The following ZNF385D variants were observed in gnomAD, a reference collection of about 807,000 sequenced individuals.
The protein encoded by ZNF385D is zinc finger protein 385D.
In ZNF385D, 15 loss-of-function variants were observed where a neutral mutation model predicts 35.8. That is an observed-to-expected ratio of 0.42 (90% CI 0.28 to 0.64). The LOEUF (loss-of-function observed/expected upper bound fraction) is 0.64. Among genes scored for constraint, ZNF385D ranks in the 30% least tolerant of loss-of-function variants. The pLI is 0.23. For synonymous variants in ZNF385D, 212 were observed against 186.8 expected (o/e 1.13, Z -1.10); for missense variants, 474 against 494.6 (o/e 0.96, Z 0.39).
At chr3:21,680,550 C>A (rs907477160) in intron 1 of ZNF385D, among the ~76,000 whole-genome samples, 1 of 152,134 alleles carries the variant, frequency 6.6e-6, no homozygotes, top group African/African-American at 2.4e-5. Flanking sequence ...TAGTGAGGAG[C>A]CACATGTGAT....
At chr3:22,159,836 G>C (rs1056691468) in intron 3 of ZNF385D, among the ~76,000 whole-genome samples, 4 of 151,894 alleles carry the variant, frequency 2.6e-5, no homozygotes, top group African/African-American at 7.3e-5. Flanking sequence ...CCTCCCCTCG[G>C]CTGAACTTCT....
chr3:21,636,305 G>GAT (rs1419997383), intron 2 of ZNF385D, among the ~76,000 whole-genome samples: 2 of 141,384 alleles, frequency 1.4e-5, no homozygotes, highest in African/African-American at 5.3e-5. Flanking sequence ...GCTAATAGGA[G>GAT]ATATATAGAT....
intron 2 of ZNF385D, among the ~76,000 whole-genome samples, chr3:22,347,601 A>G (rs1695717183): frequency 6.6e-6 from 1 of 152,202 alleles, no homozygotes; most frequent in Admixed American, 6.5e-5. Context: ...AAGCTAAATA[A>G]AAATAGATTC....
At chr3:22,266,467 C>T (rs1700901473) in intron 2 of ZNF385D, among the ~76,000 whole-genome samples, 1 of 151,860 alleles carries the variant, frequency 6.6e-6, no homozygotes, top group Admixed American at 6.6e-5. Flanking sequence ...AGCTGGCTGA[C>T]TGCTATCTTA....
intron 3 of ZNF385D, among the ~76,000 whole-genome samples, chr3:21,915,366 G>C (rs1700144032): frequency 6.6e-6 from 1 of 152,050 alleles, no homozygotes; most frequent in Non-Finnish European, 1.5e-5. Context: ...GCCTGTTCAA[G>C]ACAATGTAAA....
intron 1 of ZNF385D, among the ~76,000 whole-genome samples, chr3:21,687,363 A>T (rs1241594148): frequency 6.6e-6 from 1 of 152,218 alleles, no homozygotes; most frequent in Non-Finnish European, 1.5e-5. Context: ...TTAAGTAGCA[A>T]TAGACAATAA....
chr3:22,143,230 C>A (rs900747497), intron 3 of ZNF385D, among the ~76,000 whole-genome samples: 12 of 151,972 alleles, frequency 7.9e-5, no homozygotes, highest in African/African-American at 2.7e-4. Context: ...CTACAGGCGC[C>A]CACCACCACG....
intron 2 of ZNF385D, among the ~76,000 whole-genome samples, chr3:21,574,779 TTA>T (rs1210958004): frequency 6.6e-6 from 1 of 152,100 alleles, no homozygotes. Flanking sequence ...TATTCTATCC[TTA>T]TACATGTTCA....
intron 2 of ZNF385D, among the ~76,000 whole-genome samples, chr3:22,355,963 C>T (rs1442133867): frequency 6.6e-6 from 1 of 151,974 alleles, no homozygotes; most frequent in African/African-American, 2.4e-5. Flanking sequence ...TGTGTGTTAT[C>T]TTGTAAGTAG....
intron 1 of ZNF385D, among the ~76,000 whole-genome samples, chr3:21,726,048 A>G (rs1451240036): frequency 6.6e-6 from 1 of 152,172 alleles, no homozygotes; most frequent in Non-Finnish European, 1.5e-5. Flanking sequence ...TACATAATCC[A>G]TCACATAAAC....
intron 2 of ZNF385D, among the ~76,000 whole-genome samples, chr3:22,357,039 T>C (rs988534302): frequency 6.6e-6 from 1 of 151,888 alleles, no homozygotes; most frequent in Non-Finnish European, 1.5e-5. Context: ...TATGAAAAAG[T>C]GCAAGAATAA....
chr3:21,572,941 A>C (rs1376010131), intron 2 of ZNF385D, among the ~76,000 whole-genome samples: 7 of 111,388 alleles, frequency 6.3e-5, no homozygotes, highest in South Asian at 3.0e-4. Flanking sequence ...ATCCCTAGGA[A>C]GTAGACACTT....
At chr3:22,348,562 T>A (rs1389578492) in intron 2 of ZNF385D, among the ~76,000 whole-genome samples, 1 of 146,986 alleles carries the variant, frequency 6.8e-6, no homozygotes, top group Non-Finnish European at 1.5e-5. Flanking sequence ...TACTCCAGAG[T>A]CTGAGGCAGG....
intron 3 of ZNF385D, among the ~76,000 whole-genome samples, chr3:22,029,587 C>G (rs926850153): frequency 3.3e-5 from 5 of 152,200 alleles, no homozygotes; most frequent in African/African-American, 1.2e-4. Context: ...TTTCCTTCTT[C>G]TTTTGTTAAA....
At chr3:22,159,868 A>T (rs1027120231) in intron 3 of ZNF385D, among the ~76,000 whole-genome samples, 2 of 152,044 alleles carry the variant, frequency 1.3e-5, no homozygotes, top group African/African-American at 4.8e-5. Context: ...TCGGTAAGAG[A>T]AAAGTATGAG....
chr3:21,860,683 G>A (rs1275319334), intron 3 of ZNF385D, among the ~76,000 whole-genome samples: 1 of 152,116 alleles, frequency 6.6e-6, no homozygotes, highest in Non-Finnish European at 1.5e-5. Flanking sequence ...TCAAAGTCAG[G>A]CCTCCAAACA....
chr3:21,590,000 T>C (rs899352221), intron 2 of ZNF385D, among the ~76,000 whole-genome samples: 4 of 152,130 alleles, frequency 2.6e-5, no homozygotes, highest in Admixed American at 2.6e-4. Context: ...TAAAGACTCA[T>C]GCTAGACTGT....
At chr3:21,617,956 A>C (rs141634382) in intron 2 of ZNF385D, among the ~76,000 whole-genome samples, 21 of 152,264 alleles carry the variant, frequency 1.4e-4, no homozygotes, top group African/African-American at 4.1e-4. Flanking sequence ...TTTAATTCTG[A>C]ATTAACAAAT....
At chr3:21,920,465 T>C (rs1255551734) in intron 3 of ZNF385D, among the ~76,000 whole-genome samples, 1 of 152,116 alleles carries the variant, frequency 6.6e-6, no homozygotes, top group Admixed American at 6.5e-5. Flanking sequence ...GAAATATTAG[T>C]AGGTTTTTTT....
Sources: allele counts gnomAD v4.1 joint callset (sites outside exome capture counted in the v4.1 genomes callset), GRCh38; gene constraint gnomAD v4.1.1; transcripts MANE v1.5; gene names NCBI Gene and HGNC (gene_info 2026-07-23, HGNC 2026-07-21).